Variants in RALYL observed in about 807,000 individuals in gnomAD.
RALYL encodes the protein RNA-binding Raly-like protein.
In RALYL, 29 loss-of-function variants were observed where a neutral mutation model predicts 35.1. The ratio of observed to expected loss-of-function variants is 0.83; its 90% confidence interval spans 0.61 to 1.13. RALYL has a LOEUF of 1.13. Among genes scored for constraint, RALYL ranks in the 50% most tolerant of loss-of-function variants. The pLI is 0.00. For missense variants in RALYL, 359 were observed against 360.4 expected (o/e 1.00, Z 0.03); for synonymous variants, 120 against 127.6 (o/e 0.94, Z 0.40).
At chr8:84,367,396 G>T (rs1854692939) in intron 1 of RALYL, among the ~76,000 whole-genome samples, 1 of 116,136 alleles carries the variant, frequency 8.6e-6, no homozygotes, top group Non-Finnish European at 1.6e-5. Flanking sequence ...CACCATGCTG[G>T]CTAGGCTGGT....
intron 2 of RALYL, among the ~76,000 whole-genome samples, chr8:84,697,998 G>C (rs546978049): frequency 6.6e-6 from 1 of 152,112 alleles, no homozygotes; most frequent in East Asian, 1.9e-4. Flanking sequence ...TAAAATCCTA[G>C]GTAGTGTTCT....
At chr8:84,787,668 T>G (rs1171727697) in intron 3 of RALYL, among the ~76,000 whole-genome samples, 1 of 152,198 alleles carries the variant, frequency 6.6e-6, no homozygotes, top group Non-Finnish European at 1.5e-5. Context: ...TTTCTCCACA[T>G]CCTCTCCAGT....
chr8:84,511,483 A>T (rs2057617182), intron 1 of RALYL, among the ~76,000 whole-genome samples: 1 of 152,210 alleles, frequency 6.6e-6, no homozygotes, highest in Non-Finnish European at 1.5e-5. Context: ...ACATGTGTAC[A>T]ATGTTTAATC....
At chr8:84,375,583 T>A (rs972847931) in intron 1 of RALYL, among the ~76,000 whole-genome samples, 15 of 151,846 alleles carry the variant, frequency 9.9e-5, no homozygotes, top group African/African-American at 3.1e-4. Flanking sequence ...TAGGAAGAAT[T>A]ATTTGATCCC....
intron 1 of RALYL, among the ~76,000 whole-genome samples, chr8:84,436,176 A>G (rs1368924919): frequency 6.6e-6 from 1 of 152,148 alleles, no homozygotes; most frequent in Non-Finnish European, 1.5e-5. Context: ...ATTAAATATT[A>G]TTAAATACTC....
chr8:84,321,145 GAC>G (rs1844732232), intron 1 of RALYL, among the ~76,000 whole-genome samples: 2 of 152,070 alleles, frequency 1.3e-5, no homozygotes, highest in South Asian at 4.1e-4. Context: ...CAGTTTAAAA[GAC>G]AGGAATGGTA....
At chr8:84,788,029 C>G (rs1819947534) in intron 3 of RALYL, among the ~76,000 whole-genome samples, 1 of 152,124 alleles carries the variant, frequency 6.6e-6, no homozygotes, top group Admixed American at 6.5e-5. Flanking sequence ...TTAGTTAGAT[C>G]CCATTTGTTA....
chr8:84,582,468 A>G lies in RALYL; in HGVS notation c.256+52891A>G, dbSNP rs1811055854. On this transcript the variant is annotated intron_variant, in intron 2 of 8. Transcript: ENST00000521268. ...AGCTGCAGTCTTTCCCCACTCTACA[A>G]TGTAACTGAAAAAAAAAGGCCAGAT... 2.6e-5 allele frequency among the ~76,000 whole-genome samples: 4 copies of G among 151,590 alleles called. No individual in the cohort carries two copies. The South Asian group carries it at 8.3e-4, about 32-fold the overall frequency.
intron 2 of RALYL, among the ~76,000 whole-genome samples, chr8:84,653,603 A>G (rs1222879503): frequency 6.6e-6 from 1 of 151,846 alleles, no homozygotes; most frequent in East Asian, 1.9e-4. Context: ...ATCTTCTAGT[A>G]GAGATCTCTG....
intron 1 of RALYL, among the ~76,000 whole-genome samples, chr8:84,481,204 A>G (rs1049157572): frequency 2.6e-5 from 4 of 152,172 alleles, no homozygotes; most frequent in Non-Finnish European, 5.9e-5. Context: ...TCTAAATTTC[A>G]TTGTTCCATT....
chr8:84,600,606 G>A (rs920199687), intron 2 of RALYL, among the ~76,000 whole-genome samples: 2 of 152,140 alleles, frequency 1.3e-5, no homozygotes, highest in African/African-American at 4.8e-5. Context: ...AGATCTCACA[G>A]ACTGAATTTG....
At chr8:84,462,986 G>A (rs1240005543) in intron 1 of RALYL, among the ~76,000 whole-genome samples, 3 of 151,780 alleles carry the variant, frequency 2.0e-5, no homozygotes, top group East Asian at 1.9e-4. Flanking sequence ...ACAGATATTA[G>A]TCCAAGAAAT....
intron 1 of RALYL, among the ~76,000 whole-genome samples, chr8:84,492,555 G>A (rs534745703): frequency 2.8e-4 from 43 of 151,988 alleles, no homozygotes; most frequent in African/African-American, 8.9e-4. Flanking sequence ...TGTGTGTAGT[G>A]CACTCATCAA....
chr8:84,823,125 TATG>T (rs1828880807), intron 4 of RALYL, among the ~76,000 whole-genome samples: 1 of 152,164 alleles, frequency 6.6e-6, no homozygotes, highest in South Asian at 2.1e-4. Flanking sequence ...TAGCATGTTA[TATG>T]ATATCAAAAT....
chr8:84,792,089 C>T (rs1820915939), intron 3 of RALYL, among the ~76,000 whole-genome samples: 1 of 152,244 alleles, frequency 6.6e-6, no homozygotes, highest in South Asian at 2.1e-4. Flanking sequence ...CTCCCAAAGC[C>T]CAAGTGGACA....
chr8:84,497,646 T>TG (rs1168688286), intron 1 of RALYL, among the ~76,000 whole-genome samples: 72 of 147,184 alleles, frequency 4.9e-4, no homozygotes, highest in Non-Finnish European at 8.8e-4. Context: ...GTTTTTGTTT[T>TG]TTTTTTTTTT....
At chr8:84,428,642 T>C (rs1489613622) in intron 1 of RALYL, among the ~76,000 whole-genome samples, 2 of 152,178 alleles carry the variant, frequency 1.3e-5, no homozygotes, top group Non-Finnish European at 2.9e-5. Flanking sequence ...TCTGTCCTTT[T>C]CTAACCTTTA....
chr8:84,422,517 T>A (rs2045774256), intron 1 of RALYL, among the ~76,000 whole-genome samples: 1 of 78,614 alleles, frequency 1.3e-5, no homozygotes, highest in African/African-American at 5.7e-5. Context: ...ATTCATTGAT[T>A]TTTTGAAGGG....
intron 2 of RALYL, among the ~76,000 whole-genome samples, chr8:84,735,005 TTGTGTGTG>T (rs3068131): frequency 5.5e-5 from 8 of 146,566 alleles, no homozygotes; most frequent in Non-Finnish European, 7.5e-5. Flanking sequence ...ATAGATATGT[TTGTGTGTG>T]TGTGTGTGTG....
Sources: allele counts gnomAD v4.1 joint callset (sites outside exome capture counted in the v4.1 genomes callset), GRCh38; gene constraint gnomAD v4.1.1; transcripts MANE v1.5; gene names NCBI Gene and HGNC (gene_info 2026-07-23, HGNC 2026-07-21).